MBD1: variants seen among roughly 807,000 people sequenced by gnomAD.
The protein encoded by MBD1 is methyl-CpG binding domain protein 1.
MBD1 carries 25 observed loss-of-function variants against 82.6 expected under a neutral mutation model. That is an observed-to-expected ratio of 0.30 (90% CI 0.22 to 0.42). The LOEUF is 0.42. MBD1 is among the 10% of genes least tolerant of loss of function. MBD1 has a pLI of 1.00. For synonymous variants in MBD1, 301 were observed against 303.7 expected, an observed-to-expected ratio of 0.99 and a Z score of 0.09; for missense variants, 627 against 819.6, an observed-to-expected ratio of 0.76 and a Z score of 2.87.
At chr18:50,281,657 CG>C, upstream of MBD1, 1 of 437,306 alleles carries the variant, frequency 2.3e-6, no homozygotes. Context: ...GCGGTGCGCG[CG>C]CCCCCCTGCC....
At chr18:50,281,272 C>A in intron 1 of MBD1, 91 bp downstream of exon 1, 1 of 1,482,644 alleles carries the variant, frequency 6.7e-7, no homozygotes. Context: ...GCCTGAGGGC[C>A]CTTCATTCCT....
intron 2 of MBD1, among the ~76,000 whole-genome samples, chr18:50,277,712 T>C (rs1435131305): frequency 6.6e-6 from 1 of 152,132 alleles, no homozygotes; most frequent in Non-Finnish European, 1.5e-5. Context: ...GAGACAACGA[T>C]TGTCCTTTTT....
chr18:50,275,344 G>C, intron 8 of MBD1, 99 bp from the exon 9 acceptor site: 1 of 1,612,412 alleles, frequency 6.2e-7, no homozygotes, highest in Non-Finnish European at 8.5e-7. Flanking sequence ...GGGACAGGCA[G>C]ACAGAGGGTG....
At chr18:50,270,274 C>T (rs1274024085) in intron 16 of MBD1, 1 of 944,954 alleles carries the variant, frequency 1.1e-6, no homozygotes, top group Non-Finnish European at 1.7e-6. Context: ...AAGGGAGGCA[C>T]ACAGGATACA....
Position 50,271,468 on chromosome 18 carries a change from C to T in MBD1, c.*32+1G>A. On this transcript the variant is annotated splice_donor_variant, in intron 16 of 16. Coordinates refer to ENST00000269468, the MANE Select transcript of MBD1 (RefSeq NM_015846.4). LOFTEE classifies it low-confidence loss of function (3UTR_SPLICE). ...TCATAAAGCCAGTCTGCAAATATCACCTTGAATCCTACAGTCTGTAGAAGC... is the reference window on the plus strand; with the variant it reads ...TCATAAAGCCAGTCTGCAAATATCATCTTGAATCCTACAGTCTGTAGAAGC... 4.3e-6 allele frequency: 7 copies of T among 1,614,148 alleles called. No individual in the cohort carries two copies. Among genetic ancestry groups the T allele is most frequent in the Non-Finnish European group, 5.9e-6 (7 of 1,180,020 alleles).
upstream of MBD1, chr18:50,281,648 C>T: frequency 2.3e-6 from 1 of 438,958 alleles, no homozygotes; most frequent in Non-Finnish European, 4.0e-6. Flanking sequence ...CGCTCCGCAG[C>T]GGTGCGCGCG....
intron 2 of MBD1, among the ~76,000 whole-genome samples, chr18:50,277,573 T>TA (rs5824836): frequency 0.88 from 134,079 of 151,764 alleles, 59,523 homozygotes; most frequent in East Asian, 0.97. Context: ...ACCAAGTATA[T>TA]ATCAAGTAAA....
At chr18:50,268,247 C>G (rs2034175877), downstream of MBD1, among the ~76,000 whole-genome samples, 1 of 152,226 alleles carries the variant, frequency 6.6e-6, no homozygotes, top group Non-Finnish European at 1.5e-5. Flanking sequence ...AAAATCGGCG[C>G]AGATTCGGGG....
In MBD1 at chr18:50,269,554, A is replaced by G; in HGVS notation, c.*297T>C. 1 of 718,292 alleles carries G rather than the reference A, an allele frequency of 1.4e-6. No homozygotes were observed. Among genetic ancestry groups the G allele is most frequent in the South Asian group, 1.5e-5 (1 of 67,412 alleles). The allele number at this position is 718,292 out of a possible 1,614,324, so 44.5% of individuals were successfully genotyped here. On this transcript the variant is annotated 3_prime_UTR_variant, in exon 17 of 17. Transcript: ENST00000269468. ...TGGTGTGGGCAGTAGTCAGGCCTGC[A>G]GCCAGGCCTGCAGCTGCTCCACCTT...
At position 50,273,722 on chromosome 18, in the gene MBD1, C is replaced by G. The variant is rs2036587583; in HGVS notation, c.1288G>C (p.Ala430Pro). 1.9e-6 allele frequency: 3 copies of G among 1,614,190 alleles called. No homozygotes were observed. In the Middle Eastern group the frequency reaches 4.9e-4, roughly 266 times the overall value. ...GGAGCCTGGGTATGGTCTGGTTGGG[C>G]TGTGCGTGTAGCCAAGGTGGGCTTC... Reference protein sequence around the residue: ...TLKPTLATRTAQPDHTQAPTK... With the variant: ...TLKPTLATRTPQPDHTQAPTK... The change falls in exon 12 of 17, where the codon GCC becomes CCC. Residue 430 changes from alanine to proline, a missense_variant. Ala to Pro is a conservative substitution (Grantham distance 27, BLOSUM62 -1). This residue lies in a region of MBD1 where 265 missense variants were observed against 278.4 expected (regional missense o/e 0.95). Transcript: ENST00000269468.
chr18:50,271,012 T>C (rs2035283465), intron 16 of MBD1: 1 of 997,390 alleles, frequency 1.0e-6, no homozygotes, highest in Non-Finnish European at 1.2e-6. Context: ...AAGGATTAAA[T>C]AAACTGGGTC....
intron 10 of MBD1, 147 bp from the exon 11 acceptor site, chr18:50,274,500 G>A: frequency 1.2e-6 from 1 of 838,452 alleles, no homozygotes; most frequent in South Asian, 1.7e-5. Flanking sequence ...CTCCCCACTA[G>A]TCACTCCTCA....
At chr18:50,277,310 G>C in intron 2 of MBD1, 106 bp from the exon 3 acceptor site, 1 of 849,704 alleles carries the variant, frequency 1.2e-6, no homozygotes, top group Non-Finnish European at 1.9e-6. Context: ...CCTGGAATTG[G>C]CTTGTGAGCC....
chr18:50,276,639 C>A (rs767484256), intron 5 of MBD1, 23 bp downstream of exon 5: 1 of 1,613,336 alleles, frequency 6.2e-7, no homozygotes, highest in South Asian at 1.1e-5. Context: ...CTCCCGATGC[C>A]CCATCCTCTG....
upstream of MBD1, chr18:50,281,661 C>T (rs2040295858): frequency 4.6e-6 from 2 of 437,022 alleles, no homozygotes; most frequent in East Asian, 6.8e-5. Flanking sequence ...TGCGCGCGCC[C>T]CCCTGCCGAG....
At chr18:50,271,111 C>T (rs895539946) in intron 16 of MBD1, 11 of 1,106,014 alleles carry the variant, frequency 9.9e-6, no homozygotes, top group Middle Eastern at 4.1e-4. Flanking sequence ...TATGTAGAGA[C>T]ACTGCCAGGT....
At chr18:50,275,541 G>C in intron 8 of MBD1, 59 bp downstream of exon 8, 1 of 1,613,426 alleles carries the variant, frequency 6.2e-7, no homozygotes, top group Non-Finnish European at 8.5e-7. Context: ...TTGAAAGGAA[G>C]CAGAGGCAGC....
At position 50,272,727 on chromosome 18, in the gene MBD1, A is replaced by G. The variant is rs759306269; in HGVS notation, c.1728T>C (p.Ile576=). The change falls in exon 15 of 17, where the codon ATT becomes ATC. Residue 576 remains isoleucine, a synonymous_variant. Transcript: ENST00000269468. ...GGAGTPVITE[I]FSLGGTRFRD... is the part of the protein sequence containing the mutation. ...GGAAGCGGGTTCCACCCAGGCTGAA[A>G]ATCTCCGTGATCTAGAGAAGAATTA... The G allele has an allele frequency of 6.2e-7, 1 of 1,614,084 alleles. No individual in the cohort carries two copies. The highest frequency in any genetic ancestry group is 8.5e-7 in the Non-Finnish European group (1 of 1,180,018).
At chr18:50,273,500 G>C in intron 12 of MBD1, 29 bp from the exon 13 acceptor site, 1 of 1,613,850 alleles carries the variant, frequency 6.2e-7, no homozygotes. Flanking sequence ...CAGCAGACTT[G>C]GTCTCAGCTC....
Sources: allele counts gnomAD v4.1 joint callset (sites outside exome capture counted in the v4.1 genomes callset), GRCh38; gene constraint gnomAD v4.1.1; regional missense constraint gnomAD v4.1.1; transcripts MANE v1.5; gene names NCBI Gene and HGNC (gene_info 2026-07-23, HGNC 2026-07-21).